Variants in EYS observed in about 807,000 individuals in gnomAD.
EYS encodes the protein protein eyes shut homolog.
EYS carries 250 observed loss-of-function variants against 282.1 expected under a neutral mutation model. The ratio of observed to expected loss-of-function variants is 0.89; its 90% CI spans 0.80 to 0.98. EYS has a LOEUF of 0.98. Among genes scored for constraint, EYS ranks in the 50% least tolerant of loss-of-function variants. The pLI is 0.00. For synonymous variants in EYS, 1,355 were observed against 1,282.9 expected, an observed-to-expected ratio of 1.06 and a Z score of -1.20; for missense variants, 4,016 against 3,709.0, an observed-to-expected ratio of 1.08 and a Z score of -2.15.
At chr6:64,609,686 C>T (rs947854838) in intron 24 of EYS, among the ~76,000 whole-genome samples, 2 of 152,022 alleles carry the variant, frequency 1.3e-5, no homozygotes, top group African/African-American at 4.8e-5. Context: ...GAGTTCCAGA[C>T]AAGCCTGGCA....
chr6:65,678,237 G>C (rs1183495505), intron 1 of EYS, among the ~76,000 whole-genome samples: 1 of 151,916 alleles, frequency 6.6e-6, no homozygotes, highest in Admixed American at 6.6e-5. Context: ...ATTAATGAGG[G>C]ATCTGCCCCC....
intron 22 of EYS, among the ~76,000 whole-genome samples, chr6:64,662,127 A>G (rs370669857): frequency 4.6e-5 from 7 of 150,920 alleles, no homozygotes; most frequent in Admixed American, 2.0e-4. Context: ...GCAAACTATC[A>G]CAAGGACAAA....
At chr6:65,632,890 A>G (rs1766965559) in intron 2 of EYS, among the ~76,000 whole-genome samples, 2 of 152,196 alleles carry the variant, frequency 1.3e-5, no homozygotes. Flanking sequence ...TTCAGAGGAT[A>G]CTAGTAAATA....
At chr6:65,079,964 T>C (rs557914886) in intron 12 of EYS, among the ~76,000 whole-genome samples, 1 of 152,218 alleles carries the variant, frequency 6.6e-6, no homozygotes, top group Admixed American at 6.6e-5. Context: ...TGTGGTATAA[T>C]GGTGCATTTT....
intron 5 of EYS, among the ~76,000 whole-genome samples, chr6:65,438,685 G>T (rs966793520): frequency 3.9e-5 from 6 of 152,014 alleles, no homozygotes; most frequent in African/African-American, 1.5e-4. Flanking sequence ...CATATCCTTT[G>T]CCCACTTTTT....
chr6:63,985,759 A>T (rs1297197566), intron 34 of EYS, among the ~76,000 whole-genome samples: 3 of 151,734 alleles, frequency 2.0e-5, no homozygotes. Flanking sequence ...CCCTTCTTAC[A>T]CCATATACAA....
Position 65,020,583 on chromosome 6 carries a change from G to A in EYS, c.2138-22880C>T, listed in dbSNP as rs542484467. Among the ~76,000 whole-genome samples the A allele has an allele frequency of 3.0e-4, 45 of 152,242 alleles. 2 individuals carry two copies. Among genetic ancestry groups the A allele is most frequent in the African/African-American group, 4.1e-4 (17 of 41,542 alleles). The stretch of plus-strand genomic sequence containing the variant: ...GTGTCTGCTACTTTTCCAGGGGCAC[G>A]GTGCAAGCTGTCAGTGGATTTACCA... On this transcript the variant is annotated intron_variant, in intron 13 of 42. Transcript: ENST00000503581.
At chr6:63,757,210 C>A (rs930135944) in intron 41 of EYS, among the ~76,000 whole-genome samples, 3 of 151,854 alleles carry the variant, frequency 2.0e-5, no homozygotes, top group African/African-American at 7.3e-5. Flanking sequence ...GGGAAAGGCA[C>A]GCATTCTTGG....
At chr6:65,099,893 G>A (rs1217963784) in intron 12 of EYS, among the ~76,000 whole-genome samples, 1 of 150,610 alleles carries the variant, frequency 6.6e-6, no homozygotes, top group African/African-American at 2.4e-5. Flanking sequence ...GAACAAAACT[G>A]GAACAAATTG....
At chr6:64,766,993 TCAAA>T (rs1247369067) in intron 22 of EYS, among the ~76,000 whole-genome samples, 2 of 151,968 alleles carry the variant, frequency 1.3e-5, no homozygotes, top group Middle Eastern at 3.4e-3. Context: ...TGAAGTCAAA[TCAAA>T]CAGTTTGAAA....
chr6:65,338,154 T>C (rs1299557496), intron 10 of EYS, among the ~76,000 whole-genome samples: 4 of 151,374 alleles, frequency 2.6e-5, no homozygotes, highest in African/African-American at 9.6e-5. Context: ...GCTGCAGTTA[T>C]GTACTATATC....
chr6:64,187,796 A>AT (rs1562244154), intron 31 of EYS, among the ~76,000 whole-genome samples: 1 of 152,052 alleles, frequency 6.6e-6, no homozygotes, highest in Non-Finnish European at 1.5e-5. Context: ...TTGATCTACC[A>AT]TTAACTCCTT....
intron 30 of EYS, among the ~76,000 whole-genome samples, chr6:64,288,829 C>T (rs1220527475): frequency 1.3e-5 from 2 of 152,036 alleles, no homozygotes; most frequent in African/African-American, 2.4e-5. Flanking sequence ...TCCTTTTCTT[C>T]CTCAATCTGC....
intron 2 of EYS, among the ~76,000 whole-genome samples, chr6:65,526,088 G>A (rs1767548584): frequency 6.6e-6 from 1 of 152,100 alleles, no homozygotes. Flanking sequence ...TCCTAACTTA[G>A]TGAAGGGTAT....
intron 18 of EYS, 138 bp from the exon 19 acceptor site, chr6:64,886,980 T>A: frequency 1.6e-6 from 1 of 637,856 alleles, no homozygotes. Context: ...TTTTTTTCTT[T>A]GAAAAAATAT....
chr6:64,873,325 C>T (rs1347448002), intron 19 of EYS, among the ~76,000 whole-genome samples: 1 of 152,066 alleles, frequency 6.6e-6, no homozygotes, highest in Non-Finnish European at 1.5e-5. Flanking sequence ...AATTACTTCT[C>T]ACCGGGTCCC....
chr6:65,171,553 C>G (rs775740749), intron 12 of EYS, among the ~76,000 whole-genome samples: 1 of 150,890 alleles, frequency 6.6e-6, no homozygotes, highest in Non-Finnish European at 1.5e-5. Flanking sequence ...GTGGTAAAAC[C>G]CAACACTGAA....
chr6:65,524,097 C>G (rs1000261194), intron 2 of EYS, among the ~76,000 whole-genome samples: 1 of 152,156 alleles, frequency 6.6e-6, no homozygotes, highest in Admixed American at 6.5e-5. Context: ...GTCTCAAACT[C>G]CCAACCTCAG....
At chr6:64,394,039 AAAGAGAAT>A (rs1773262680) in intron 28 of EYS, among the ~76,000 whole-genome samples, 1 of 152,102 alleles carries the variant, frequency 6.6e-6, no homozygotes, top group Non-Finnish European at 1.5e-5. Flanking sequence ...CAATTGCTTC[AAAGAGAAT>A]AAAATACCTA....
Sources: allele counts gnomAD v4.1 joint callset (sites outside exome capture counted in the v4.1 genomes callset), GRCh38; gene constraint gnomAD v4.1.1; transcripts MANE v1.5; gene names NCBI Gene and HGNC (gene_info 2026-07-23, HGNC 2026-07-21).